ZNF844: variants seen among roughly 807,000 people sequenced by gnomAD.
ZNF844 encodes the protein zinc finger protein 844.
ZNF844 carries 11 observed loss-of-function variants against 11.4 expected under a neutral mutation model. The ratio of observed to expected loss-of-function variants is 0.97; its 90% confidence interval spans 0.61 to 1.60. ZNF844 has a LOEUF of 1.60. Ranked by LOEUF, ZNF844 falls within the 40% of genes most tolerant of loss-of-function variation. The pLI, the probability that ZNF844 is intolerant of heterozygous loss-of-function variation, is 0.00. For missense variants in ZNF844, 790 were observed against 796.8 expected, an observed-to-expected ratio of 0.99 and a Z score of 0.10; for synonymous variants, 248 against 260.3, an observed-to-expected ratio of 0.95 and a Z score of 0.46.
At chr19:12,073,470 T>C (rs1975773755) in intron 1 of ZNF844, among the ~76,000 whole-genome samples, 1 of 152,154 alleles carries the variant, frequency 6.6e-6, no homozygotes, top group African/African-American at 2.4e-5. Flanking sequence ...GTACTGTTTT[T>C]CACAAAATTT....
chr19:12,067,814 G>A (rs1017859109), intron 1 of ZNF844, among the ~76,000 whole-genome samples: 1 of 150,882 alleles, frequency 6.6e-6, no homozygotes. Context: ...TATCAGAGAG[G>A]CTGAGGCAGG....
chr19:12,073,010 T>C (rs1975767889), intron 1 of ZNF844, among the ~76,000 whole-genome samples: 1 of 152,346 alleles, frequency 6.6e-6, no homozygotes, highest in Non-Finnish European at 1.5e-5. Flanking sequence ...TCCATCTGTT[T>C]ATGGTGTCCC....
rs1975800476 is a variant in ZNF844, at chr19:12,075,610, A to G, written c.490A>G (p.Thr164Ala). The part of the protein sequence containing the change: ...PSFQMQEKAH[T>A]GEKLYDCKEC... ...CTTTCAAATGCAAGAAAAGGCTCAC[A>G]CTGGAGAAAAACTCTATGATTGTAA... Residue 164 changes from threonine (T) to alanine (A), a missense_variant, in exon 4 of 4, where the codon ACT becomes GCT. Coordinates refer to ENST00000439326, the MANE Select transcript of ZNF844 (RefSeq NM_001136501.3). 2 of 1,613,562 alleles carry G rather than the reference A, an allele frequency of 1.2e-6. No homozygotes were observed. The highest frequency in any genetic ancestry group is 1.3e-5 in the African/African-American group (1 of 74,986).
Position 12,081,087 on chromosome 19 carries a change from A to G in ZNF844, c.*3966A>G, listed in dbSNP as rs1018908964. 3 of 152,238 alleles carry G rather than the reference A, an allele frequency of 2.0e-5. No homozygotes were observed. The allele number at this position is 152,238 out of a possible 1,614,324, so 9.4% of individuals were successfully genotyped here. On this transcript the variant is annotated 3_prime_UTR_variant, in exon 4 of 4. Transcript: ENST00000439326. ...TCTTTAGGTATAATGTCTTTACCAG[A>G]GAGCTAATGCAGACTGTCATGGGTG...
At position 12,079,277 on chromosome 19, in the gene ZNF844, A is replaced by G. The variant is rs1006589073; in HGVS notation, c.*2156A>G. 1 of 152,240 alleles carries G rather than the reference A, an allele frequency of 6.6e-6. No individual in the cohort carries two copies. The allele number at this position is 152,240 out of a possible 1,614,324, so 9.4% of individuals were successfully genotyped here. ...GTAGCCATGAAAGAACTCGCTGAAG[A>G]GAAACCCTGTAAATGAAGGGAATGT... On this transcript the variant is annotated 3_prime_UTR_variant, in exon 4 of 4. Transcript: ENST00000439326.
At position 12,080,212 on chromosome 19, in the gene ZNF844, T is replaced by C. The variant is rs1224828602; in HGVS notation, c.*3091T>C. ...AAAATACAAAAAAACTAGCTGGGCGTGGTGGTGGGCGCCTGTAGTCCCAGC... is the reference window on the plus strand; with the variant it reads ...AAAATACAAAAAAACTAGCTGGGCGCGGTGGTGGGCGCCTGTAGTCCCAGC... On this transcript the variant is annotated 3_prime_UTR_variant, in exon 4 of 4. Coordinates refer to ENST00000439326, the MANE Select transcript of ZNF844 (RefSeq NM_001136501.3). 5.1e-6 allele frequency: 1 copy of C among 194,206 alleles called. No homozygotes were observed. The highest frequency in any genetic ancestry group is 2.4e-5 in the African/African-American group (1 of 41,394). The allele number at this position is 194,206 out of a possible 1,614,324, so 12.0% of individuals were successfully genotyped here.
intron 1 of ZNF844, among the ~76,000 whole-genome samples, chr19:12,067,951 A>AAGGAAGGAAG (rs1555717793): frequency 5.3e-3 from 77 of 14,652 alleles, no homozygotes; most frequent in East Asian, 0.018. Context: ...AAAGAAGGAA[A>AAGGAAGGAAG]GAAGGAAAGA....
At chr19:12,067,205 AAATAAT>A (rs1254266310) in intron 1 of ZNF844, among the ~76,000 whole-genome samples, 2 of 151,374 alleles carry the variant, frequency 1.3e-5, no homozygotes, top group Admixed American at 1.3e-4. Context: ...CTCTCAAGTA[AAATAAT>A]AATAATAATG....
At position 12,075,584 on chromosome 19, in the gene ZNF844, C is replaced by T; in HGVS notation, c.464C>T (p.Ser155Phe). 1.2e-6 allele frequency: 2 copies of T among 1,614,046 alleles called. No individual in the cohort carries two copies. The highest frequency in any genetic ancestry group is 1.1e-5 in the South Asian group (1 of 91,054). Residue 155 changes from serine to phenylalanine, a missense_variant, in exon 4 of 4, where the codon TCC (serine) becomes TTC (phenylalanine). Transcript: ENST00000439326. Reference sequence around the variant, plus strand: ...AAGAAAGCCTTCAGATGTCACCCCTCCTTTCAAATGCAAGAAAAGGCTCAC... The same window carrying T: ...AAGAAAGCCTTCAGATGTCACCCCTTCTTTCAAATGCAAGAAAAGGCTCAC... ...QRKKAFRCHP[S>F]FQMQEKAHTG...
Position 12,077,340 on chromosome 19 carries a change from A to G in ZNF844, c.*219A>G, listed in dbSNP as rs1424503963. ...AAAAGCCTTTATTTCTTTCAGTTCC[A>G]TTCAGTACCATGAAAGGACTCACAC... On this transcript the variant is annotated 3_prime_UTR_variant, in exon 4 of 4. Coordinates refer to ENST00000439326, the MANE Select transcript of ZNF844 (RefSeq NM_001136501.3). The G allele has an allele frequency of 1.3e-5, 11 of 866,494 alleles. No homozygotes were observed. Among genetic ancestry groups the G allele is most frequent in the Non-Finnish European group, 2.1e-5 (11 of 515,432 alleles). 53.7% of individuals were successfully genotyped at this position (866,494 alleles called of 1,614,324 possible).
rs1055241798 is a variant in ZNF844, at chr19:12,077,117, A to C, written c.1997A>C (p.Glu666Ala). ...PFVDIKGLTL[E>A] Reference sequence around the variant, plus strand: ...GTAGACATAAAAGGGCTCACACTGGAGTGAAACCGTATGAATGCAAGGAAT... The same window carrying C: ...GTAGACATAAAAGGGCTCACACTGGCGTGAAACCGTATGAATGCAAGGAAT... Residue 666 changes from glutamate to alanine, a missense_variant, in exon 4 of 4, where the codon GAG (glutamate) becomes GCG (alanine). Around this residue, in one of 3 missense-constraint regions of ZNF844, gnomAD observed 657 missense variants for 636.2 expected, o/e 1.03. Transcript: ENST00000439326. The C allele has an allele frequency of 6.3e-7, 1 of 1,599,028 alleles. No individual in the cohort carries two copies. The highest frequency in any genetic ancestry group is 1.3e-5 in the African/African-American group (1 of 74,494).
In ZNF844 at chr19:12,077,059, G is replaced by C; in HGVS notation, c.1939G>C (p.Val647Leu). 6.3e-7 allele frequency: 1 copy of C among 1,597,376 alleles called. No homozygotes were observed. The highest frequency in any genetic ancestry group is 8.5e-7 in the Non-Finnish European group (1 of 1,171,274). The change falls in exon 4 of 4, where the codon GTG becomes CTG. Residue 647 changes from valine (V) to leucine (L), a missense_variant. Physicochemically the swap from Val to Leu is conservative, Grantham distance 32. Around this residue, in one of 3 missense-constraint regions of ZNF844, gnomAD observed 657 missense variants for 636.2 expected, o/e 1.03. Coordinates refer to ENST00000439326, the MANE Select transcript of ZNF844 (RefSeq NM_001136501.3). ...LERNHINVRIVGKHSVCLVPF... is the reference protein window; with the variant it reads ...LERNHINVRILGKHSVCLVPF... ...GAGAAACCATATTAATGTAAGGATT[G>C]TGGGAAAGCATTCAGTTTGCCTGGT... is the stretch of plus-strand genomic sequence containing the variant.
chr19:12,076,076 A>G lies in ZNF844; in HGVS notation c.956A>G (p.Lys319Arg), dbSNP rs1210078769. Reference sequence around the variant, plus strand: ...TGTACCAAATGTGGGAAAGCATTCAAGTGTCCCAGTTATCTTTGTAGACAT... The same window carrying G: ...TGTACCAAATGTGGGAAAGCATTCAGGTGTCCCAGTTATCTTTGTAGACAT... ...YECTKCGKAF[K>R]CPSYLCRHEV... The change falls in exon 4 of 4, where the codon AAG (lysine) becomes AGG (arginine). Residue 319 changes from lysine to arginine, a missense_variant. Lys to Arg is a conservative substitution (Grantham distance 26). Coordinates refer to ENST00000439326, the MANE Select transcript of ZNF844 (RefSeq NM_001136501.3). 3 of 1,563,296 alleles carry G rather than the reference A, an allele frequency of 1.9e-6. No individual in the cohort carries two copies. Among genetic ancestry groups the G allele is most frequent in the East Asian group, 2.4e-5 (1 of 41,598 alleles).
At chr19:12,065,633 A>AC (rs1975679620) in intron 1 of ZNF844, among the ~76,000 whole-genome samples, 1 of 143,694 alleles carries the variant, frequency 7.0e-6, no homozygotes, top group African/African-American at 2.9e-5. Flanking sequence ...TTTTTTTCTT[A>AC]CAATTTTTTT....
intron 1 of ZNF844, among the ~76,000 whole-genome samples, chr19:12,065,292 C>G (rs911225497): frequency 5.9e-5 from 9 of 152,060 alleles, no homozygotes; most frequent in African/African-American, 1.9e-4. Flanking sequence ...TAAACAGGCC[C>G]GGTGCTGGGA....
chr19:12,067,473 G>A (rs1975701986), intron 1 of ZNF844, among the ~76,000 whole-genome samples: 1 of 151,544 alleles, frequency 6.6e-6, no homozygotes, highest in African/African-American at 2.4e-5. Flanking sequence ...AGGTGTGATG[G>A]TGGTGCATCT....
In ZNF844 at chr19:12,064,848, C is replaced by T. The variant is rs1324112604; in HGVS notation, c.-26C>T. ...TCGTCTGTGTTGTGACTGCTTTGGA[C>T]GTGGGAGTCACCTGAAAGCCAGGAA... On this transcript the variant is annotated 5_prime_UTR_variant, in exon 1 of 4. It adds an upstream start codon to the 5' untranslated region. Transcript: ENST00000439326. The T allele has an allele frequency of 6.5e-7, 1 of 1,549,176 alleles. No homozygotes were observed. The highest frequency in any genetic ancestry group is 8.7e-7 in the Non-Finnish European group (1 of 1,146,224).
Position 12,077,975 on chromosome 19 carries a change from C to A in ZNF844, c.*854C>A. 1 of 171,826 alleles carries A rather than the reference C, an allele frequency of 5.8e-6. No homozygotes were observed. Among genetic ancestry groups the A allele is most frequent in the South Asian group, 1.3e-4 (1 of 7,746 alleles). 10.6% of individuals were successfully genotyped at this position (171,826 alleles called of 1,614,324 possible). A position where few individuals can be genotyped will look rare whatever the true frequency, so the allele number is the denominator to read the frequency against. On this transcript the variant is annotated 3_prime_UTR_variant, in exon 4 of 4. Transcript: ENST00000439326. ...TCCTGAGTAGCTGGGACTACAGGTG[C>A]CTGCCACCACACCCGGCTGATTTTT...
chr19:12,080,193 C>A lies in ZNF844; in HGVS notation c.*3072C>A, dbSNP rs1207556000. The A allele has an allele frequency of 9.2e-5, 18 of 195,634 alleles. No individual in the cohort carries two copies. In the East Asian group the frequency reaches 2.9e-3, roughly 32 times the overall value. 12.1% of individuals were successfully genotyped at this position (195,634 alleles called of 1,614,324 possible). Reference sequence around the variant, plus strand: ...GAAACCCCGTCTCTACTAAAAAATACAAAAAAACTAGCTGGGCGTGGTGGT... The same window carrying A: ...GAAACCCCGTCTCTACTAAAAAATAAAAAAAAACTAGCTGGGCGTGGTGGT... On this transcript the variant is annotated 3_prime_UTR_variant, in exon 4 of 4. Transcript: ENST00000439326.
Sources: allele counts gnomAD v4.1 joint callset (sites outside exome capture counted in the v4.1 genomes callset), GRCh38; gene constraint gnomAD v4.1.1; regional missense constraint gnomAD v4.1.1; transcripts MANE v1.5; gene names NCBI Gene and HGNC (gene_info 2026-07-23, HGNC 2026-07-21).